Variants in CYS1 observed in about 807,000 individuals in gnomAD.
The protein encoded by CYS1 is cystin-1.
A neutral mutation model predicts 9.6 loss-of-function variants in CYS1; 5 were observed. The observed-to-expected ratio is 0.52, with a 90% CI of 0.27 to 1.10. The LOEUF (loss-of-function observed/expected upper bound fraction) is 1.10. Ranked by LOEUF, CYS1 falls within the 50% of genes least tolerant of loss-of-function variation. The pLI is 0.11. For synonymous variants in CYS1, 88 were observed against 95.7 expected (o/e 0.92, Z 0.47); for missense variants, 221 against 207.9 (o/e 1.06, Z -0.39).
intron 1 of CYS1, among the ~76,000 whole-genome samples, chr2:10,073,941 T>C (rs1176469077): frequency 6.6e-6 from 1 of 152,204 alleles, no homozygotes; most frequent in African/African-American, 2.4e-5. Context: ...CCAGGGACCA[T>C]GAAGGGAGAG....
intron 2 of CYS1, among the ~76,000 whole-genome samples, chr2:10,062,579 T>G (rs1661642162): frequency 6.6e-6 from 1 of 152,076 alleles, no homozygotes; most frequent in Non-Finnish European, 1.5e-5. Flanking sequence ...TTTTATGTAT[T>G]TTTAGTAGAG....
rs1260102101 is a variant in CYS1, at chr2:10,076,482, C to T, written c.318+3424G>A. On this transcript the variant is annotated intron_variant, in intron 1 of 2. Transcript: ENST00000381813. This position sits in a 1 kb window ranked among gnomAD's most constrained non-coding sequence, Gnocchi z 4.3. ...AAGGCGCCTCCCACCACTCTCTGAC[C>T]CATCTCTCACCAAGGACCTTGAGAC... Among the ~76,000 whole-genome samples, 5 of 152,126 alleles carry T rather than the reference C, an allele frequency of 3.3e-5. No homozygotes were observed. Among genetic ancestry groups the T allele is most frequent in the African/African-American group, 1.2e-4 (5 of 41,428 alleles).
At chr2:10,073,732 G>A (rs1280365864) in intron 1 of CYS1, among the ~76,000 whole-genome samples, 1 of 152,180 alleles carries the variant, frequency 6.6e-6, no homozygotes, top group Non-Finnish European at 1.5e-5. Context: ...GGGACTCAAA[G>A]CTCCAAGGTT....
Position 10,065,895 on chromosome 2 carries a change from G to C in CYS1, c.371+9C>G. Reference sequence around the variant, plus strand: ...GCTTCTGGGAGAGATGTGCCTCCCTGGTACTTACTCAGAGACATTGCCGCT... The same window carrying C: ...GCTTCTGGGAGAGATGTGCCTCCCTCGTACTTACTCAGAGACATTGCCGCT... On this transcript the variant is annotated intron_variant, in intron 2 of 2. Transcript: ENST00000381813. 3.1e-6 allele frequency: 5 copies of C among 1,614,086 alleles called. No homozygotes were observed. Among genetic ancestry groups the C allele is most frequent in the Non-Finnish European group, 4.2e-6 (5 of 1,179,942 alleles).
At chr2:10,060,288 C>T (rs1490432115) in intron 2 of CYS1, among the ~76,000 whole-genome samples, 3 of 152,258 alleles carry the variant, frequency 2.0e-5, no homozygotes, top group Admixed American at 6.5e-5. Context: ...CCCCATTTCC[C>T]GGCCTGGTTC....
Position 10,058,615 on chromosome 2 carries a change from G to A in CYS1, c.*238C>T, listed in dbSNP as rs1342986806. The A allele has an allele frequency of 9.7e-6, 4 of 410,982 alleles. No individual in the cohort carries two copies. The highest frequency in any genetic ancestry group is 1.8e-5 in the Non-Finnish European group (4 of 228,500). 25.5% of individuals were successfully genotyped at this position (410,982 alleles called of 1,614,324 possible). On this transcript the variant is annotated 3_prime_UTR_variant, in exon 3 of 3. Coordinates refer to ENST00000381813, the MANE Select transcript of CYS1 (RefSeq NM_001037160.3). The stretch of plus-strand genomic sequence containing the variant: ...CCCGCGTTGGGGAGGAGGCGCCGGC[G>A]GCCCAGGCCCACGCACCTGTGGGTC...
intron 2 of CYS1, among the ~76,000 whole-genome samples, chr2:10,062,976 T>C (rs1661648487): frequency 6.6e-6 from 1 of 152,222 alleles, no homozygotes; most frequent in Non-Finnish European, 1.5e-5. Flanking sequence ...CCTTACAGAC[T>C]TCAGGTCAGG....
intron 2 of CYS1, 105 bp downstream of exon 2, chr2:10,065,799 G>C (rs1661687020): frequency 1.8e-6 from 2 of 1,128,618 alleles, no homozygotes; most frequent in Non-Finnish European, 2.7e-6. Flanking sequence ...TGGAAACCTC[G>C]TGAGGACCTG....
chr2:10,062,772 T>G (rs1661644944), intron 2 of CYS1, among the ~76,000 whole-genome samples: 1 of 152,346 alleles, frequency 6.6e-6, no homozygotes, highest in Admixed American at 6.5e-5. Context: ...CTCAGTTTAC[T>G]CACTAGGAAA....
intron 1 of CYS1, among the ~76,000 whole-genome samples, chr2:10,079,586 C>A (rs1039541881): frequency 6.6e-6 from 1 of 151,988 alleles, no homozygotes; most frequent in African/African-American, 2.4e-5. Flanking sequence ...GCCGGCGCCC[C>A]GCTCCAGGGC....
chr2:10,074,342 T>C (rs1661814577), intron 1 of CYS1, among the ~76,000 whole-genome samples: 1 of 152,236 alleles, frequency 6.6e-6, no homozygotes, highest in Non-Finnish European at 1.5e-5. Context: ...GGAGTCTTTC[T>C]AGAAACTCAC....
chr2:10,070,766 C>T (rs930432618), intron 1 of CYS1, among the ~76,000 whole-genome samples: 1 of 152,028 alleles, frequency 6.6e-6, no homozygotes, highest in East Asian at 1.9e-4. Context: ...ATCTCAGCCT[C>T]CTGAGTAACT....
chr2:10,065,798 C>T lies in CYS1; in HGVS notation c.371+106G>A, dbSNP rs79401765. 3.3e-3 allele frequency: 3,744 copies of T among 1,119,550 alleles called. 80 individuals are homozygous for T. The African/African-American group carries it at 0.053, about 16-fold the overall frequency. The allele number at this position is 1,119,550 out of a possible 1,614,324, so 69.4% of individuals were successfully genotyped here. A position where few individuals can be genotyped will look rare whatever the true frequency, so the allele number is the denominator to read the frequency against. On this transcript the variant is annotated intron_variant, in intron 2 of 2. Coordinates refer to ENST00000381813, the MANE Select transcript of CYS1 (RefSeq NM_001037160.3). Reference sequence around the variant, plus strand: ...TAGAGGGAGCTGCCTCTGGAAACCTCGTGAGGACCTGGAGGAAAGTGGGGG... The same window carrying T: ...TAGAGGGAGCTGCCTCTGGAAACCTTGTGAGGACCTGGAGGAAAGTGGGGG...
At position 10,063,638 on chromosome 2, in the gene CYS1, A is replaced by AG. The variant is rs914749480; in HGVS notation, c.371+2265dup. ...GGTGACACTGGAGGGAGGAGATTGA[A>AG]GGGCGGGACACTGTTGCAGCCACAG... On this transcript the variant is annotated intron_variant, in intron 2 of 2. Coordinates refer to ENST00000381813, the MANE Select transcript of CYS1 (RefSeq NM_001037160.3). This position sits in a 1 kb window ranked among gnomAD's most constrained non-coding sequence, Gnocchi z 4.2. Among the ~76,000 whole-genome samples the AG allele has an allele frequency of 2.0e-5, 3 of 152,122 alleles. No individual in the cohort carries two copies. The highest frequency in any genetic ancestry group is 2.9e-5 in the Non-Finnish European group (2 of 68,018).
chr2:10,068,090 C>T (rs1445100942), intron 1 of CYS1, among the ~76,000 whole-genome samples: 1 of 152,172 alleles, frequency 6.6e-6, no homozygotes, highest in East Asian at 1.9e-4. Context: ...TCTCACTGAT[C>T]CTCTCTTCAT....
intron 1 of CYS1, among the ~76,000 whole-genome samples, chr2:10,073,890 G>A (rs1325850047): frequency 6.6e-6 from 1 of 152,188 alleles, no homozygotes; most frequent in Non-Finnish European, 1.5e-5. Flanking sequence ...ACCCCTGACC[G>A]TGATGCAACC....
rs778858328 is a variant in CYS1 at position 10,063,733 on chromosome 2, A to G, written c.371+2171T>C. On this transcript the variant is annotated intron_variant, in intron 2 of 2. Transcript: ENST00000381813. The surrounding 1 kb of genome is among the most constrained non-coding windows in gnomAD (Gnocchi z 4.2). ...CTGGCCTGCAGGGTCCACGGCTGCC[A>G]CGGGAGTCAGGTGTGTGCCGTGGGC... Among the ~76,000 whole-genome samples the G allele has an allele frequency of 3.5e-4, 53 of 152,130 alleles. No individual in the cohort carries two copies. Among genetic ancestry groups the G allele is most frequent in the Non-Finnish European group, 6.2e-4 (42 of 68,012 alleles).
intron 1 of CYS1, among the ~76,000 whole-genome samples, chr2:10,069,674 AT>A (rs1661739762): frequency 6.6e-6 from 1 of 152,264 alleles, no homozygotes; most frequent in East Asian, 1.9e-4. Context: ...GCCGAAAAAA[AT>A]ATTTAAAAAA....
At chr2:10,065,522 G>A (rs1661684036) in intron 2 of CYS1, among the ~76,000 whole-genome samples, 1 of 152,222 alleles carries the variant, frequency 6.6e-6, no homozygotes, top group African/African-American at 2.4e-5. Flanking sequence ...GCTGCAGGTG[G>A]GCCCGCTGCT....
Sources: gnomAD v4.1 joint callset for allele counts (sites outside exome capture counted in the v4.1 genomes callset) on GRCh38, gnomAD v4.1.1 for gene constraint, Gnocchi (gnomAD v3.1) non-coding constraint, MANE v1.5 for transcripts, NCBI Gene and HGNC (gene_info 2026-07-23, HGNC 2026-07-21) for gene names.